The following NRXN3 variants were observed in gnomAD, a reference collection of about 807,000 sequenced individuals.
The protein encoded by NRXN3 is neurexin 3.
NRXN3 carries 32 observed loss-of-function variants against 137.6 expected under a neutral mutation model. The ratio of observed to expected loss-of-function variants is 0.23; its 90% confidence interval spans 0.18 to 0.31. NRXN3 has a LOEUF of 0.31. Ranked by LOEUF, NRXN3 falls within the 10% of genes least tolerant of loss-of-function variation. The pLI, the probability that NRXN3 is intolerant of heterozygous loss-of-function variation, is 1.00. For synonymous variants in NRXN3, 798 were observed against 784.5 expected (o/e 1.02, Z -0.29); for missense variants, 1,574 against 2,062.5 (o/e 0.76, Z 4.59).
chr14:79,578,186 A>G (rs1166169679), intron 16 of NRXN3, among the ~76,000 whole-genome samples: 1 of 152,224 alleles, frequency 6.6e-6, no homozygotes, highest in African/African-American at 2.4e-5. Flanking sequence ...TTGTAAGGAC[A>G]GGATACAGAT....
chr14:79,278,877 C>T (rs558345781), intron 15 of NRXN3, among the ~76,000 whole-genome samples: 57 of 152,276 alleles, frequency 3.7e-4, no homozygotes, highest in African/African-American at 1.3e-3. Context: ...AGTGGTCGCC[C>T]AAGCCACCGC....
At chr14:78,338,427 T>C (rs1156854428) in intron 4 of NRXN3, among the ~76,000 whole-genome samples, 1 of 152,188 alleles carries the variant, frequency 6.6e-6, no homozygotes, top group African/African-American at 2.4e-5. Flanking sequence ...AGAGCCCCTT[T>C]GGGCCTGTGT....
At chr14:79,029,970 C>G (rs1027950414) in intron 15 of NRXN3, among the ~76,000 whole-genome samples, 1 of 151,886 alleles carries the variant, frequency 6.6e-6, no homozygotes, top group Non-Finnish European at 1.5e-5. Context: ...TCTTAGCCCC[C>G]CCAAGTAGCT....
At chr14:78,256,656 A>G (rs2069665788) in intron 2 of NRXN3, among the ~76,000 whole-genome samples, 1 of 152,228 alleles carries the variant, frequency 6.6e-6, no homozygotes, top group Non-Finnish European at 1.5e-5. Context: ...ACCTGACTTC[A>G]TTGATTAATT....
At chr14:78,391,296 T>C (rs17107482) in intron 4 of NRXN3, among the ~76,000 whole-genome samples, 13,920 of 152,164 alleles carry the variant, frequency 0.091, 840 homozygotes, top group East Asian at 0.28. Context: ...TATGAGCTCA[T>C]GAAAGGCAAC....
chr14:78,678,137 G>C (rs1341420436), intron 6 of NRXN3, among the ~76,000 whole-genome samples: 2 of 152,048 alleles, frequency 1.3e-5, no homozygotes, highest in Admixed American at 6.6e-5. Context: ...AGATATATCT[G>C]TATGTGTTTA....
intron 4 of NRXN3, among the ~76,000 whole-genome samples, chr14:78,478,155 T>C (rs912680591): frequency 3.3e-5 from 5 of 152,160 alleles, no homozygotes; most frequent in Non-Finnish European, 5.9e-5. Context: ...TTCTGCTCTG[T>C]TGGGATACAA....
At chr14:78,834,890 G>A (rs2098992032) in intron 10 of NRXN3, among the ~76,000 whole-genome samples, 1 of 152,162 alleles carries the variant, frequency 6.6e-6, no homozygotes, top group Non-Finnish European at 1.5e-5. Context: ...AAAAGAGAGA[G>A]AGGATGCTCC....
rs559515069 is a variant in NRXN3, at chr14:78,305,238, G to T, written c.757+7378G>T. ...GGAGGGTATGGAGAATGCAGAGAATGACCTGGGAGAGAGGTATCTGACATC... is the reference window on the plus strand; with the variant it reads ...GGAGGGTATGGAGAATGCAGAGAATTACCTGGGAGAGAGGTATCTGACATC... On this transcript the variant is annotated intron_variant, in intron 4 of 20. Transcript: ENST00000335750. 2.6e-5 allele frequency among the ~76,000 whole-genome samples: 4 copies of T among 152,240 alleles called. No homozygotes were observed. The South Asian group carries it at 8.3e-4, about 32-fold the overall frequency.
intron 4 of NRXN3, among the ~76,000 whole-genome samples, chr14:78,412,335 G>A (rs139791609): frequency 3.3e-5 from 5 of 152,258 alleles, no homozygotes; most frequent in East Asian, 1.9e-4. Context: ...CCTGGGTCCC[G>A]AGCATCCCAG....
rs2098616293 is a variant in NRXN3 at position 78,747,581 on chromosome 14, T to C, written c.2044+32442T>C. ...TTTTCTTTTTCCTAATTTCTTCTTATTTGAACTAAGAACCCTCTACTTCTC... is the reference window on the plus strand; with the variant it reads ...TTTTCTTTTTCCTAATTTCTTCTTACTTGAACTAAGAACCCTCTACTTCTC... On this transcript the variant is annotated intron_variant, in intron 8 of 20. Coordinates refer to ENST00000335750, the MANE Select transcript of NRXN3 (RefSeq NM_001330195.2). Among the ~76,000 whole-genome samples the C allele has an allele frequency of 2.0e-5, 3 of 152,228 alleles. 1 individual carries two copies. The South Asian group carries it at 6.2e-4, about 31-fold the overall frequency.
chr14:78,958,142 C>T (rs1309926700), intron 11 of NRXN3, among the ~76,000 whole-genome samples: 1 of 151,956 alleles, frequency 6.6e-6, no homozygotes, highest in Non-Finnish European at 1.5e-5. Flanking sequence ...GAAAACAGGA[C>T]CAAAATATAT....
intron 4 of NRXN3, among the ~76,000 whole-genome samples, chr14:78,491,635 T>C (rs1423833804): frequency 6.6e-6 from 1 of 152,184 alleles, no homozygotes; most frequent in Admixed American, 6.5e-5. Flanking sequence ...GCAGATATCA[T>C]GTATTTTATA....
chr14:78,342,238 A>G (rs2082225939), intron 4 of NRXN3, among the ~76,000 whole-genome samples: 1 of 152,218 alleles, frequency 6.6e-6, no homozygotes. Flanking sequence ...CACTGAACTC[A>G]AAGGCAGTTA....
intron 8 of NRXN3, among the ~76,000 whole-genome samples, chr14:78,767,899 G>T (rs2098714135): frequency 1.3e-5 from 2 of 151,966 alleles, no homozygotes. Context: ...CCTTGTCCCT[G>T]GGTCCCTTGA....
At chr14:78,712,870 T>C (rs921274942) in intron 7 of NRXN3, among the ~76,000 whole-genome samples, 3 of 152,192 alleles carry the variant, frequency 2.0e-5, no homozygotes, top group Non-Finnish European at 4.4e-5. Flanking sequence ...GCCGACTTTG[T>C]ACTTTAAAGT....
intron 8 of NRXN3, among the ~76,000 whole-genome samples, chr14:78,761,176 C>A (rs760166981): frequency 2.0e-5 from 3 of 152,140 alleles, no homozygotes; most frequent in Non-Finnish European, 2.9e-5. Context: ...TCCCCGCAAT[C>A]GCTCTTTTCC....
intron 1 of NRXN3, among the ~76,000 whole-genome samples, chr14:78,201,843 A>G (rs929719336): frequency 6.6e-6 from 1 of 152,176 alleles, no homozygotes; most frequent in Non-Finnish European, 1.5e-5. Context: ...CTGTTCTTCC[A>G]TCTTCTCCGA....
intron 4 of NRXN3, among the ~76,000 whole-genome samples, chr14:78,528,969 C>T (rs1407334663): frequency 1.3e-5 from 2 of 152,122 alleles, no homozygotes; most frequent in Admixed American, 6.6e-5. Context: ...GGTTGTTTAC[C>T]AGTCATAGCC....
Sources: gnomAD v4.1 joint callset for allele counts (sites outside exome capture counted in the v4.1 genomes callset) on GRCh38, gnomAD v4.1.1 for gene constraint, MANE v1.5 for transcripts, NCBI Gene and HGNC (gene_info 2026-07-23, HGNC 2026-07-21) for gene names.